Variants in BMPR2 observed in about 807,000 individuals in gnomAD.
BMPR2 encodes bone morphogenetic protein receptor type-2.
Under a neutral mutation model 100.8 loss-of-function variants are expected in BMPR2, and 29 were observed. That is an observed-to-expected ratio of 0.29 (90% CI 0.21 to 0.39). The LOEUF (loss-of-function observed/expected upper bound fraction) is 0.39. BMPR2 is among the 10% of genes least tolerant of loss of function. The pLI, the probability that BMPR2 is intolerant of heterozygous loss-of-function variation, is 1.00. For missense variants in BMPR2, 1,011 were observed against 1,274.5 expected, an observed-to-expected ratio of 0.79 and a Z score of 3.15; for synonymous variants, 382 against 442.3, an observed-to-expected ratio of 0.86 and a Z score of 1.71.
Position 202,555,286 on chromosome 2 carries a change from G to T in BMPR2, c.1621G>T (p.Gly541Cys). The change falls in exon 12 of 13, where the codon GGT (glycine) becomes TGT (cysteine). Residue 541 changes from glycine (G) to cysteine (C), a missense_variant. Transcript: ENST00000374580. ...LSHNRRVPKI[G>C]PYPDYSSSSY... ...ACATAATAGGCGTGTGCCAAAAATT[G>T]GTCCTTATCCAGATTATTCTTCCTC... is the stretch of plus-strand genomic sequence containing the variant. 2 of 1,614,000 alleles carry T rather than the reference G, an allele frequency of 1.2e-6. No individual in the cohort carries two copies. Among genetic ancestry groups the T allele is most frequent in the Non-Finnish European group, 1.7e-6 (2 of 1,180,002 alleles).
At chr2:202,544,905 C>T (rs1208374865) in intron 10 of BMPR2, among the ~76,000 whole-genome samples, 4 of 151,204 alleles carry the variant, frequency 2.6e-5, no homozygotes, top group African/African-American at 9.7e-5. Flanking sequence ...GCTGAGACTT[C>T]AGGTGCATAC....
Position 202,556,414 on chromosome 2 carries a change from G to A in BMPR2, c.2749G>A (p.Ala917Thr). The A allele has an allele frequency of 6.2e-7, 1 of 1,614,200 alleles. No individual in the cohort carries two copies. Among genetic ancestry groups the A allele is most frequent in the Non-Finnish European group, 8.5e-7 (1 of 1,180,044 alleles). The stretch of plus-strand genomic sequence containing the variant: ...TCCATGTTCAGAACAAGATGTTCTT[G>A]CACAGGGTGTTCCAAGCACAGCAGC... Reference protein sequence around the residue: ...SNPCSEQDVLAQGVPSTAADP... With the variant: ...SNPCSEQDVLTQGVPSTAADP... The change falls in exon 12 of 13, where the codon GCA becomes ACA. Residue 917 changes from alanine to threonine, a missense_variant. Coordinates refer to ENST00000374580, the MANE Select transcript of BMPR2 (RefSeq NM_001204.7).
rs1296110732 is a variant in BMPR2 at position 202,488,263 on chromosome 2, T to A, written c.418+20574T>A. 1.6e-4 allele frequency among the ~76,000 whole-genome samples: 25 copies of A among 152,286 alleles called. No homozygotes were observed. The East Asian group carries it at 4.6e-3, about 28-fold the overall frequency. On this transcript the variant is annotated intron_variant, in intron 3 of 12. Coordinates refer to ENST00000374580, the MANE Select transcript of BMPR2 (RefSeq NM_001204.7). ...TGGGTAGATTGGAATATTGTAATTATGCCAATAATTACAATATTATGACAT... is the reference window on the plus strand; with the variant it reads ...TGGGTAGATTGGAATATTGTAATTAAGCCAATAATTACAATATTATGACAT...
intron 1 of BMPR2, among the ~76,000 whole-genome samples, chr2:202,443,580 T>C (rs1022468080): frequency 2.7e-5 from 4 of 149,678 alleles, no homozygotes; most frequent in African/African-American, 7.7e-5. Flanking sequence ...TCTTTTTTTT[T>C]CAAGACGGAG....
intron 2 of BMPR2, among the ~76,000 whole-genome samples, chr2:202,465,852 C>CA (rs1026005210): frequency 0.011 from 1,507 of 138,736 alleles, 15 homozygotes; most frequent in Non-Finnish European, 0.014. Context: ...GACTCCGTCT[C>CA]AAAAAAAAAA....
At chr2:202,514,549 G>T (rs1472581620) in intron 4 of BMPR2, among the ~76,000 whole-genome samples, 1 of 152,180 alleles carries the variant, frequency 6.6e-6, no homozygotes, top group East Asian at 1.9e-4. Context: ...CTTTAGGTTT[G>T]ATGGACTGTT....
chr2:202,548,722 G>C (rs1688419149), intron 10 of BMPR2, among the ~76,000 whole-genome samples: 1 of 151,388 alleles, frequency 6.6e-6, no homozygotes, highest in African/African-American at 2.4e-5. Context: ...TTCCTCATTA[G>C]TGTTAATAAT....
At chr2:202,463,218 C>T (rs961011822) in intron 1 of BMPR2, among the ~76,000 whole-genome samples, 1 of 151,996 alleles carries the variant, frequency 6.6e-6, no homozygotes, top group African/African-American at 2.4e-5. Flanking sequence ...AGGAGGGCAA[C>T]ATCGGAATAG....
intron 1 of BMPR2, among the ~76,000 whole-genome samples, chr2:202,434,927 ATATATATATTTATT>A (rs1691583347): frequency 3.5e-5 from 4 of 113,626 alleles, no homozygotes; most frequent in African/African-American, 6.9e-5. Flanking sequence ...ATATATATAT[ATATATATATTTATT>A]TATTTATTTA....
At chr2:202,403,247 T>C (rs2105911818) in intron 1 of BMPR2, among the ~76,000 whole-genome samples, 1 of 129,520 alleles carries the variant, frequency 7.7e-6, no homozygotes, top group East Asian at 2.7e-4. Flanking sequence ...TTGCCCAGGC[T>C]GAAGTGCAGT....
At chr2:202,456,210 C>T (rs889186042) in intron 1 of BMPR2, among the ~76,000 whole-genome samples, 3 of 149,794 alleles carry the variant, frequency 2.0e-5, no homozygotes, top group East Asian at 4.0e-4. Flanking sequence ...CTTGCCGTGT[C>T]GCCCAGGCTG....
intron 1 of BMPR2, among the ~76,000 whole-genome samples, chr2:202,416,841 CTT>C (rs1440014293): frequency 5.7e-5 from 8 of 139,654 alleles, no homozygotes; most frequent in Admixed American, 7.2e-5. Context: ...TTTTCTTTTT[CTT>C]TTTTTTTTTT....
Position 202,412,100 on chromosome 2 carries a change from A to G in BMPR2, c.76+34550A>G, listed in dbSNP as rs142611467. Among the ~76,000 whole-genome samples, 54 of 152,292 alleles carry G rather than the reference A, an allele frequency of 3.5e-4. No homozygotes were observed. In the East Asian group the frequency reaches 6.0e-3, roughly 17 times the overall value. On this transcript the variant is annotated intron_variant, in intron 1 of 12. Coordinates refer to ENST00000374580, the MANE Select transcript of BMPR2 (RefSeq NM_001204.7). ...TGGGTAAAGGTTATACAAAAACTCT[A>G]TACTATTTTTGCATTTTTTCTGTAA...
chr2:202,522,818 A>G (rs1343568597), intron 7 of BMPR2, among the ~76,000 whole-genome samples: 1 of 152,094 alleles, frequency 6.6e-6, no homozygotes, highest in Non-Finnish European at 1.5e-5. Flanking sequence ...TGACAGAGTG[A>G]GACATCGTCT....
chr2:202,399,596 AT>A (rs1482227408), intron 1 of BMPR2, among the ~76,000 whole-genome samples: 1 of 152,224 alleles, frequency 6.6e-6, no homozygotes, highest in Non-Finnish European at 1.5e-5. Context: ...TCTAATTTTC[AT>A]TTTTCAAAGA....
intron 7 of BMPR2, among the ~76,000 whole-genome samples, chr2:202,529,291 T>G (rs922787727): frequency 2.0e-5 from 3 of 152,242 alleles, no homozygotes; most frequent in African/African-American, 7.2e-5. Flanking sequence ...CTTTGAGATA[T>G]TTGCCTACTG....
chr2:202,509,042 A>G (rs1005387879), intron 3 of BMPR2, among the ~76,000 whole-genome samples: 1 of 152,182 alleles, frequency 6.6e-6, no homozygotes, highest in African/African-American at 2.4e-5. Context: ...GAATACCTAC[A>G]CCAATTTATT....
At chr2:202,480,952 C>CG (rs1485285986) in intron 3 of BMPR2, among the ~76,000 whole-genome samples, 2 of 46,278 alleles carry the variant, frequency 4.3e-5, no homozygotes, top group Admixed American at 3.3e-4. Flanking sequence ...GAGACTCCGT[C>CG]TAAAAAAAAA....
At chr2:202,403,743 A>C (rs1690820431) in intron 1 of BMPR2, among the ~76,000 whole-genome samples, 1 of 152,200 alleles carries the variant, frequency 6.6e-6, no homozygotes, top group African/African-American at 2.4e-5. Context: ...GTGGTGGCTC[A>C]CGCCTATAAT....
Sources: allele counts gnomAD v4.1 joint callset (sites outside exome capture counted in the v4.1 genomes callset), GRCh38; gene constraint gnomAD v4.1.1; transcripts MANE v1.5; gene names NCBI Gene and HGNC (gene_info 2026-07-23, HGNC 2026-07-21).